The following EYS variants were observed in gnomAD, a reference collection of about 807,000 sequenced individuals.
EYS encodes the protein EGF-like photoreceptor maintenance factor, also known as protein eyes shut homolog.
EYS carries 250 observed loss-of-function variants against 282.1 expected under a neutral mutation model. The observed-to-expected ratio is 0.89, with a 90% CI of 0.80 to 0.98. The LOEUF (loss-of-function observed/expected upper bound fraction) is 0.98, where lower values mean the gene tolerates loss of function less well. Among genes scored for constraint, EYS ranks in the 50% least tolerant of loss-of-function variants. EYS has a pLI of 0.00. For synonymous variants in EYS, 1,355 were observed against 1,282.9 expected, an observed-to-expected ratio of 1.06 and a Z score of -1.20; for missense variants, 4,016 against 3,709.0, an observed-to-expected ratio of 1.08 and a Z score of -2.15.
At chr6:63,885,510 T>C (rs1773241325) in intron 35 of EYS, among the ~76,000 whole-genome samples, 1 of 152,188 alleles carries the variant, frequency 6.6e-6, no homozygotes, top group Admixed American at 6.5e-5. Flanking sequence ...ATTCAATAAA[T>C]ATTTATGAAG....
At chr6:65,014,753 C>T (rs1771988759) in intron 13 of EYS, among the ~76,000 whole-genome samples, 2 of 151,972 alleles carry the variant, frequency 1.3e-5, no homozygotes, top group South Asian at 2.1e-4. Context: ...AAAATGATGC[C>T]CTCCCACTCC....
intron 1 of EYS, among the ~76,000 whole-genome samples, chr6:65,681,893 T>C (rs1053410644): frequency 6.6e-6 from 1 of 151,942 alleles, no homozygotes; most frequent in Admixed American, 6.6e-5. Flanking sequence ...TTAAGAAATA[T>C]AGTGCCTCTA....
At chr6:63,919,175 G>GGTA (rs1361224098) in intron 35 of EYS, among the ~76,000 whole-genome samples, 1 of 152,092 alleles carries the variant, frequency 6.6e-6, no homozygotes, top group Non-Finnish European at 1.5e-5. Context: ...CCCAAAGGAA[G>GGTA]GTAGCAGTGA....
chr6:64,551,495 C>G (rs1250208703), intron 26 of EYS, among the ~76,000 whole-genome samples: 1 of 151,450 alleles, frequency 6.6e-6, no homozygotes, highest in Admixed American at 6.6e-5. Context: ...CTAAGCACCC[C>G]CAATCAACTG....
intron 30 of EYS, among the ~76,000 whole-genome samples, chr6:64,289,475 C>G (rs1922957): frequency 1.3e-5 from 2 of 151,836 alleles, no homozygotes; most frequent in Non-Finnish European, 2.9e-5. Flanking sequence ...AGTTCTCATC[C>G]TATGAGAAGG....
chr6:65,172,921 AGG>A (rs1032172966), intron 12 of EYS, among the ~76,000 whole-genome samples: 3 of 151,190 alleles, frequency 2.0e-5, no homozygotes, highest in African/African-American at 7.3e-5. Context: ...AGTGTGGTCA[AGG>A]GATCAAATTT....
chr6:65,116,709 C>A (rs1035045635), intron 12 of EYS, among the ~76,000 whole-genome samples: 5 of 151,676 alleles, frequency 3.3e-5, no homozygotes, highest in Non-Finnish European at 7.4e-5. Flanking sequence ...AAAACAACAA[C>A]AAAAAAACAA....
At position 64,439,196 on chromosome 6, in the gene EYS, A is replaced by T. The variant is rs979065118; in HGVS notation, c.5801T>A (p.Phe1934Tyr). 4.7e-6 allele frequency: 7 copies of T among 1,478,670 alleles called. No homozygotes were observed. The highest frequency in any genetic ancestry group is 6.3e-6 in the Non-Finnish European group (7 of 1,116,236). 91.6% of individuals were successfully genotyped at this position (1,478,670 alleles called of 1,614,324 possible). The change falls in exon 27 of 43, where the codon TTT becomes TAT. Residue 1934 changes from phenylalanine to tyrosine, a missense_variant. Phe to Tyr is a conservative substitution (Grantham distance 22, BLOSUM62 3). Coordinates refer to ENST00000503581, the MANE Select transcript of EYS (RefSeq NM_001142800.2). ...KQDSNLVDGFFIQLFIENGTL... is the reference protein window; with the variant it reads ...KQDSNLVDGFYIQLFIENGTL... Reference sequence around the variant, plus strand: ...ACCATTTTCAATAAACAATTGAATAAAAAATCCATCTACTAAATTTGAGTC... The same window carrying T: ...ACCATTTTCAATAAACAATTGAATATAAAATCCATCTACTAAATTTGAGTC...
intron 1 of EYS, among the ~76,000 whole-genome samples, chr6:65,668,528 G>A (rs560919843): frequency 7.2e-5 from 11 of 151,870 alleles, no homozygotes; most frequent in Admixed American, 2.0e-4. Context: ...AACAGAGACT[G>A]TACAGCCAAC....
intron 22 of EYS, among the ~76,000 whole-genome samples, chr6:64,784,754 A>G (rs1773967025): frequency 6.6e-6 from 1 of 152,166 alleles, no homozygotes; most frequent in Admixed American, 6.5e-5. Context: ...TGGCATTTTC[A>G]AATTCTCGGG....
intron 34 of EYS, among the ~76,000 whole-genome samples, chr6:63,986,943 CA>C (rs67327695): frequency 1.3e-5 from 2 of 150,534 alleles, no homozygotes; most frequent in East Asian, 3.9e-4. Context: ...AGTTAAAAAA[CA>C]AAAAAAAGAA....
chr6:65,653,215 C>G (rs1767714621), intron 1 of EYS, among the ~76,000 whole-genome samples: 1 of 151,878 alleles, frequency 6.6e-6, no homozygotes, highest in African/African-American at 2.4e-5. Context: ...CACCCAGAAG[C>G]AGATGACAGG....
intron 37 of EYS, among the ~76,000 whole-genome samples, chr6:63,798,497 A>T (rs1046427750): frequency 6.6e-6 from 1 of 152,166 alleles, no homozygotes; most frequent in Non-Finnish European, 1.5e-5. Flanking sequence ...ATAGGCATAC[A>T]CTGTCAGTTT....
In EYS at chr6:63,994,923, C is replaced by A. The variant is rs189547738; in HGVS notation, c.6834+4152G>T. Among the ~76,000 whole-genome samples the A allele has an allele frequency of 1.6e-3, 248 of 151,886 alleles. 2 individuals are homozygous for A. In the East Asian group the frequency reaches 0.036, roughly 22 times the overall value. Reference sequence around the variant, plus strand: ...TAAACTTAACACCCAAACCATAAAACCCCTAGAGGAAAACATGGGGAAAAT... The same window carrying A: ...TAAACTTAACACCCAAACCATAAAAACCCTAGAGGAAAACATGGGGAAAAT... On this transcript the variant is annotated intron_variant, in intron 34 of 42. Transcript: ENST00000503581.
intron 37 of EYS, among the ~76,000 whole-genome samples, chr6:63,805,943 C>T (rs1222411017): frequency 6.6e-6 from 1 of 152,170 alleles, no homozygotes; most frequent in Non-Finnish European, 1.5e-5. Context: ...CAGTCTCTGG[C>T]AGTTCTTTAC....
chr6:64,297,977 C>CAAAAAAAAAAAAAAAAAAAAAAAAAAA (rs34562408), intron 30 of EYS, among the ~76,000 whole-genome samples: 6 of 96,452 alleles, frequency 6.2e-5, no homozygotes, highest in South Asian at 3.7e-4. Context: ...GATTCTGTCT[C>CAAAAAAAAAAAAAAAAAAAAAAAAAAA]AAAAAAAAAA....
intron 30 of EYS, among the ~76,000 whole-genome samples, chr6:64,273,825 T>C (rs10806410): frequency 0.65 from 98,828 of 152,054 alleles, 32,430 homozygotes; most frequent in South Asian, 0.71. Context: ...GACTTTATTT[T>C]CTTCCTTCCA....
chr6:64,310,069 TA>T lies in EYS; in HGVS notation c.6079-2988del, dbSNP rs796077180. 7.6e-4 allele frequency among the ~76,000 whole-genome samples: 111 copies of T among 145,450 alleles called. 1 individual carries two copies. In the East Asian group the frequency reaches 8.9e-3, roughly 12 times the overall value. Reference sequence around the variant, plus strand: ...GGCTATTTATTAAAAGTAAAAAAAATAAAAAAAAAAATAACAGATGCTGGCA... The same window carrying T: ...GGCTATTTATTAAAAGTAAAAAAAATAAAAAAAAAATAACAGATGCTGGCA... On this transcript the variant is annotated intron_variant, in intron 29 of 42. Transcript: ENST00000503581.
At position 63,806,366 on chromosome 6, in the gene EYS, T is replaced by A; in HGVS notation, c.7235A>T (p.Asn2412Ile). The change falls in exon 37 of 43, where the codon AAT becomes ATT. Residue 2412 changes from asparagine to isoleucine, a missense_variant. By Grantham distance (149) the Asn-to-Ile change is moderately radical. Transcript: ENST00000503581. ...RSGPLCTDAI[N>I]ITQPRFSGTD... ...GCCACTGAACCTTGGCTGAGTAATA[T>A]TAATAGCTGTGAAAAAACCCAAACC... is the stretch of plus-strand genomic sequence containing the variant. The A allele has an allele frequency of 6.5e-7, 1 of 1,533,960 alleles. No individual in the cohort carries two copies. Among genetic ancestry groups the A allele is most frequent in the Non-Finnish European group, 8.8e-7 (1 of 1,136,948 alleles).
Sources: allele counts gnomAD v4.1 joint callset (sites outside exome capture counted in the v4.1 genomes callset), GRCh38; gene constraint gnomAD v4.1.1; transcripts MANE v1.5; gene names NCBI Gene and HGNC (gene_info 2026-07-23, HGNC 2026-07-21).